The following FKBP5 variants were observed in gnomAD, a reference collection of about 807,000 sequenced individuals.
FKBP5 encodes the protein FKBP prolyl isomerase 5.
Under a neutral mutation model 50.5 loss-of-function variants are expected in FKBP5, and 23 were observed. The ratio of observed to expected loss-of-function variants is 0.46; its 90% CI spans 0.33 to 0.65. FKBP5 has a LOEUF of 0.65. Ranked by LOEUF, FKBP5 falls within the 30% of genes least tolerant of loss-of-function variation. FKBP5 has a pLI of 0.02. For synonymous variants in FKBP5, 176 were observed against 190.6 expected (o/e 0.92, Z 0.63); for missense variants, 411 against 553.1 (o/e 0.74, Z 2.58).
At position 35,633,244 on chromosome 6, in the gene FKBP5, A is replaced by G. The variant is rs903217081; in HGVS notation, c.250+3770T>C. The stretch of plus-strand genomic sequence containing the variant: ...GATAAACTACCTAATGCTATAAAAT[A>G]TAAGTATAAAACTATAGTCTGGGCA... On this transcript the variant is annotated intron_variant, in intron 3 of 10. Coordinates refer to ENST00000357266, the MANE Select transcript of FKBP5 (RefSeq NM_004117.4). 2.0e-5 allele frequency among the ~76,000 whole-genome samples: 3 copies of G among 152,136 alleles called. No individual in the cohort carries two copies. In the South Asian group the frequency reaches 6.2e-4, roughly 32 times the overall value.
At chr6:35,582,483 T>C in intron 8 of FKBP5, 1 of 372,980 alleles carries the variant, frequency 2.7e-6, no homozygotes, top group Non-Finnish European at 3.7e-6. Context: ...CTCTGCCCTC[T>C]CTCCACTCAC....
chr6:35,625,399 A>G (rs1005053670), intron 3 of FKBP5, among the ~76,000 whole-genome samples: 1 of 151,856 alleles, frequency 6.6e-6, no homozygotes, highest in Non-Finnish European at 1.5e-5. Flanking sequence ...AAGCATAAAC[A>G]TTTTAAAGAT....
At chr6:35,642,204 T>G (rs949289452) in intron 2 of FKBP5, among the ~76,000 whole-genome samples, 1 of 152,124 alleles carries the variant, frequency 6.6e-6, no homozygotes, top group Non-Finnish European at 1.5e-5. Flanking sequence ...AACTTGGACC[T>G]GAACCCCAGG....
At chr6:35,638,831 A>G (rs184713198) in intron 2 of FKBP5, among the ~76,000 whole-genome samples, 41 of 152,306 alleles carry the variant, frequency 2.7e-4, no homozygotes, top group Non-Finnish European at 5.9e-4. Flanking sequence ...ACAAGTGCTC[A>G]TGTTCACGAA....
intron 1 of FKBP5, among the ~76,000 whole-genome samples, chr6:35,723,219 C>T (rs553443631): frequency 3.6e-4 from 55 of 151,528 alleles, no homozygotes; most frequent in African/African-American, 1.2e-3. Flanking sequence ...GGCGACAGAG[C>T]GAGACTCCAT....
intron 2 of FKBP5, among the ~76,000 whole-genome samples, chr6:35,639,842 A>C (rs942587738): frequency 6.6e-6 from 1 of 152,246 alleles, no homozygotes; most frequent in Admixed American, 6.5e-5. Flanking sequence ...GAGATATTAA[A>C]ACTCAGCATC....
intron 2 of FKBP5, among the ~76,000 whole-genome samples, chr6:35,638,022 T>C (rs971038834): frequency 2.0e-5 from 3 of 152,208 alleles, no homozygotes; most frequent in Non-Finnish European, 4.4e-5. Flanking sequence ...ATGAGTATCA[T>C]TGCACTGCTT....
At chr6:35,641,022 A>T (rs1477924109) in intron 2 of FKBP5, among the ~76,000 whole-genome samples, 2 of 152,174 alleles carry the variant, frequency 1.3e-5, no homozygotes, top group African/African-American at 4.8e-5. Flanking sequence ...ACTCTCACCC[A>T]GGCTAGAATG....
chr6:35,713,086 A>G (rs1335078782), intron 2 of FKBP5, among the ~76,000 whole-genome samples: 1 of 150,312 alleles, frequency 6.7e-6, no homozygotes, highest in African/African-American at 2.4e-5. Flanking sequence ...CTAAAAAAAA[A>G]AAAAAAAAAA....
chr6:35,581,943 G>A, intron 8 of FKBP5: 2 of 985,468 alleles, frequency 2.0e-6, no homozygotes, highest in Middle Eastern at 5.2e-4. Context: ...AGGAGTCTGA[G>A]TAAGAGAAAA....
chr6:35,704,300 C>T (rs1239550166), intron 2 of FKBP5, among the ~76,000 whole-genome samples: 2 of 152,154 alleles, frequency 1.3e-5, no homozygotes, highest in Non-Finnish European at 2.9e-5. Context: ...GTCTGTTGGC[C>T]ACTGTGGTTT....
intron 2 of FKBP5, among the ~76,000 whole-genome samples, chr6:35,707,510 C>T (rs1024393049): frequency 9.9e-5 from 15 of 152,066 alleles, no homozygotes; most frequent in African/African-American, 2.9e-4. Flanking sequence ...CGTGAGCCAC[C>T]GCGCCCGGCC....
intron 2 of FKBP5, among the ~76,000 whole-genome samples, chr6:35,694,800 C>G (rs1303043658): frequency 6.6e-6 from 1 of 152,088 alleles, no homozygotes; most frequent in East Asian, 1.9e-4. Context: ...TTATGTATTG[C>G]TTCATAGCAA....
At chr6:35,621,436 G>C (rs768805623) in intron 3 of FKBP5, among the ~76,000 whole-genome samples, 1 of 151,784 alleles carries the variant, frequency 6.6e-6, no homozygotes, top group Non-Finnish European at 1.5e-5. Flanking sequence ...TGGCCAACAT[G>C]GTGAAACCCC....
Position 35,577,791 on chromosome 6 carries a change from C to T in FKBP5, c.1027-558G>A, listed in dbSNP as rs527947118. On this transcript the variant is annotated intron_variant, in intron 9 of 10. Transcript: ENST00000357266. ...AGAGTTAAGGCCGGGTGCAGTGGTT[C>T]ACACCCTAATCCCAGCACTTTGGGA... Among the ~76,000 whole-genome samples the T allele has an allele frequency of 8.5e-5, 13 of 152,308 alleles. No homozygotes were observed. In the South Asian group the frequency reaches 1.2e-3, roughly 15 times the overall value.
intron 1 of FKBP5, among the ~76,000 whole-genome samples, chr6:35,727,598 G>A (rs1766741787): frequency 6.6e-6 from 1 of 152,232 alleles, no homozygotes; most frequent in Non-Finnish European, 1.5e-5. Context: ...AAGGATCAGG[G>A]AAGGGGGGCT....
At chr6:35,711,825 A>AGT (rs1293826539) in intron 2 of FKBP5, among the ~76,000 whole-genome samples, 2 of 152,030 alleles carry the variant, frequency 1.3e-5, no homozygotes, top group African/African-American at 2.4e-5. Flanking sequence ...TAAAACACAC[A>AGT]GTGTGTGTGT....
chr6:35,586,887 C>A, intron 8 of FKBP5, 147 bp downstream of exon 8: 3 of 1,461,792 alleles, frequency 2.1e-6, no homozygotes, highest in South Asian at 1.4e-5. Context: ...CACCATTTTT[C>A]ATATTGAAAA....
rs556566163 is a variant in FKBP5 at position 35,648,600 on chromosome 6, C to CG, written c.-19-5758_-19-5757insC. Among the ~76,000 whole-genome samples, 665 of 152,196 alleles carry CG rather than the reference C, an allele frequency of 4.4e-3. 3 individuals are homozygous for CG. Among genetic ancestry groups the CG allele is most frequent in the Middle Eastern group, 0.014 (4 of 294 alleles). ...TGGCCTGATGGAATTTTTACAACAC[C>CG]ATTTGGTCATCAGCTATATTCAATA... is the stretch of plus-strand genomic sequence containing the variant. On this transcript the variant is annotated intron_variant, in intron 1 of 10. Coordinates refer to ENST00000357266, the MANE Select transcript of FKBP5 (RefSeq NM_004117.4).
Sources: gnomAD v4.1 joint callset for allele counts (sites outside exome capture counted in the v4.1 genomes callset) on GRCh38, gnomAD v4.1.1 for gene constraint, MANE v1.5 for transcripts, NCBI Gene and HGNC (gene_info 2026-07-23, HGNC 2026-07-21) for gene names.